The following ZNF618 variants were observed in gnomAD, a reference collection of about 807,000 sequenced individuals.
ZNF618 encodes the protein zinc finger protein 618, also known as neural precursor cell expressed, developmentally down-regulated 10.
In ZNF618, 34 loss-of-function variants were observed where a neutral mutation model predicts 103.0. The ratio of observed to expected loss-of-function variants is 0.33; its 90% CI spans 0.25 to 0.44. The LOEUF is 0.44. Ranked by LOEUF, ZNF618 falls within the 20% of genes least tolerant of loss-of-function variation. The probability of loss-of-function intolerance (pLI) is 1.00; values close to 1 mark genes in which losing one functional copy is unlikely to be tolerated. For missense variants in ZNF618, 1,059 were observed against 1,295.4 expected, an observed-to-expected ratio of 0.82 and a Z score of 2.80; for synonymous variants, 551 against 542.2, an observed-to-expected ratio of 1.02 and a Z score of -0.23.
At chr9:114,009,575 A>C (rs1842059420) in intron 9 of ZNF618, among the ~76,000 whole-genome samples, 2 of 152,214 alleles carry the variant, frequency 1.3e-5, no homozygotes, top group South Asian at 4.1e-4. Flanking sequence ...CTGTTCAGGA[A>C]TTGCCATACC....
chr9:113,907,618 A>C (rs1414350958), intron 1 of ZNF618, among the ~76,000 whole-genome samples: 7 of 152,148 alleles, frequency 4.6e-5, no homozygotes, highest in Admixed American at 2.6e-4. Context: ...TTTCATCATG[A>C]GTAGGCAAGC....
chr9:113,931,298 A>G (rs185189577), intron 1 of ZNF618, among the ~76,000 whole-genome samples: 41 of 152,272 alleles, frequency 2.7e-4, no homozygotes, highest in South Asian at 1.2e-3. Context: ...TGTCGGGGAG[A>G]TGGCAGTTTA....
At chr9:113,924,809 G>T (rs546974943) in intron 1 of ZNF618, among the ~76,000 whole-genome samples, 1 of 151,888 alleles carries the variant, frequency 6.6e-6, no homozygotes, top group East Asian at 1.9e-4. Context: ...GTGTTATTTA[G>T]TCTCCAAATA....
At chr9:114,004,561 G>A (rs1022723013) in intron 6 of ZNF618, among the ~76,000 whole-genome samples, 1 of 152,168 alleles carries the variant, frequency 6.6e-6, no homozygotes, top group Non-Finnish European at 1.5e-5. Context: ...GGTTGCTGAC[G>A]GCTCTGTAGC....
intron 10 of ZNF618, among the ~76,000 whole-genome samples, chr9:114,025,186 C>G (rs909407438): frequency 2.6e-5 from 4 of 152,192 alleles, no homozygotes; most frequent in Admixed American, 2.6e-4. Context: ...AGGAGGGGTT[C>G]CCAGGTTGAC....
chr9:113,927,476 G>T (rs1833207071), intron 1 of ZNF618, among the ~76,000 whole-genome samples: 1 of 152,220 alleles, frequency 6.6e-6, no homozygotes, highest in Non-Finnish European at 1.5e-5. Flanking sequence ...CTAAGGACTG[G>T]GCGAGGGGTA....
chr9:113,980,173 A>T (rs539354777), intron 2 of ZNF618, among the ~76,000 whole-genome samples: 153 of 152,136 alleles, frequency 1.0e-3, no homozygotes, highest in Non-Finnish European at 1.9e-3. Context: ...TGTTAGCTGA[A>T]GTGGAGATGA....
At chr9:113,904,112 T>C (rs1332680918) in intron 1 of ZNF618, among the ~76,000 whole-genome samples, 1 of 151,786 alleles carries the variant, frequency 6.6e-6, no homozygotes, top group East Asian at 1.9e-4. Flanking sequence ...TTTATTTTTC[T>C]GTTTCATTGT....
In ZNF618 at chr9:114,056,130, G is replaced by A. The variant is rs927445744; in HGVS notation, c.*5963G>A. On this transcript the variant is annotated 3_prime_UTR_variant, in exon 15 of 15. Coordinates refer to ENST00000374126, the MANE Select transcript of ZNF618 (RefSeq NM_001318042.2). ...CGGTTCTTGTGATATGTAAACCCCC[G>A]AGACCAAACTTGAGGGTTTATTTAG... 3.9e-5 allele frequency: 6 copies of A among 152,296 alleles called. No homozygotes were observed. Among genetic ancestry groups the A allele is most frequent in the Non-Finnish European group, 7.4e-5 (5 of 67,986 alleles). The allele number at this position is 152,296 out of a possible 1,614,324, so 9.4% of individuals were successfully genotyped here. A position where few individuals can be genotyped will look rare whatever the true frequency, so the allele number is the denominator to read the frequency against.
chr9:113,916,012 G>A (rs1467375298), intron 1 of ZNF618, among the ~76,000 whole-genome samples: 1 of 152,000 alleles, frequency 6.6e-6, no homozygotes, highest in East Asian at 1.9e-4. Flanking sequence ...GCTATATAAG[G>A]AGATAGTATT....
At chr9:113,899,121 A>G (rs1301894010) in intron 1 of ZNF618, among the ~76,000 whole-genome samples, 1 of 151,792 alleles carries the variant, frequency 6.6e-6, no homozygotes, top group Non-Finnish European at 1.5e-5. Flanking sequence ...CTAGATTTTA[A>G]GACCTTTTTT....
intron 1 of ZNF618, among the ~76,000 whole-genome samples, chr9:113,959,820 G>C (rs567817212): frequency 6.6e-6 from 1 of 152,258 alleles, no homozygotes; most frequent in African/African-American, 2.4e-5. Context: ...TGTTGGCCAG[G>C]CTGGTCTCGA....
At chr9:113,974,037 G>C (rs901630640) in intron 2 of ZNF618, among the ~76,000 whole-genome samples, 5 of 152,350 alleles carry the variant, frequency 3.3e-5, no homozygotes, top group African/African-American at 1.2e-4. Context: ...TGACCTGGGT[G>C]CTGGAGGCAC....
intron 1 of ZNF618, among the ~76,000 whole-genome samples, chr9:113,917,080 C>T (rs530403044): frequency 3.9e-5 from 6 of 152,088 alleles, no homozygotes; most frequent in Admixed American, 1.3e-4. Context: ...TGCCACAGTT[C>T]AGTCTGACTT....
Position 114,008,524 on chromosome 9 carries a change from C to G in ZNF618, c.724C>G (p.Pro242Ala). Reference protein sequence around the residue: ...VVATDEVKEEPPEPFQKIGPK... With the variant: ...VVATDEVKEEAPEPFQKIGPK... The stretch of plus-strand genomic sequence containing the variant: ...GGCCACGGACGAGGTGAAGGAGGAG[C>G]CCCCGGAGCCATTCCAGAAAATCGG... Residue 242 changes from proline to alanine, a missense_variant, in exon 9 of 15, where the codon CCC becomes GCC. Transcript: ENST00000374126. 1 of 1,613,432 alleles carries G rather than the reference C, an allele frequency of 6.2e-7. No homozygotes were observed.
intron 1 of ZNF618, among the ~76,000 whole-genome samples, chr9:113,893,612 T>G (rs1161879906): frequency 6.6e-6 from 1 of 152,168 alleles, no homozygotes; most frequent in African/African-American, 2.4e-5. Context: ...CTGCTTTGTC[T>G]TCCTAATGAC....
At chr9:113,978,255 G>A (rs550564993) in intron 2 of ZNF618, among the ~76,000 whole-genome samples, 4 of 152,340 alleles carry the variant, frequency 2.6e-5, no homozygotes, top group African/African-American at 9.6e-5. Context: ...TGTCATTTGC[G>A]GACACTGTGG....
At chr9:113,944,097 A>G (rs187950045) in intron 1 of ZNF618, among the ~76,000 whole-genome samples, 37 of 152,180 alleles carry the variant, frequency 2.4e-4, no homozygotes, top group African/African-American at 8.4e-4. Context: ...GCACGGTTTG[A>G]TCCAATGTGG....
chr9:113,935,118 G>A (rs541849337), intron 1 of ZNF618, among the ~76,000 whole-genome samples: 3 of 152,326 alleles, frequency 2.0e-5, no homozygotes, highest in African/African-American at 7.2e-5. Flanking sequence ...CCCCTGGGCT[G>A]GCATGGGGCT....
Sources: gnomAD v4.1 joint callset for allele counts (sites outside exome capture counted in the v4.1 genomes callset) on GRCh38, gnomAD v4.1.1 for gene constraint, MANE v1.5 for transcripts, NCBI Gene and HGNC (gene_info 2026-07-23, HGNC 2026-07-21) for gene names.